The following DMD variants were observed in gnomAD, a reference collection of about 807,000 sequenced individuals.
DMD encodes dystrophin.
DMD carries 63 observed loss-of-function variants against 330.1 expected under a neutral mutation model. That is an observed-to-expected ratio of 0.19 (90% CI 0.16 to 0.24). DMD has a LOEUF of 0.24. DMD is among the 10% of genes least tolerant of loss of function. DMD has a pLI of 1.00. For missense variants in DMD, 3,344 were observed against 2,684.1 expected, an observed-to-expected ratio of 1.25 and a Z score of -5.43; for synonymous variants, 1,223 against 959.8, an observed-to-expected ratio of 1.27 and a Z score of -5.07.
At chrX:31,985,543 A>C (rs1463100788) in intron 44 of DMD, among the ~76,000 whole-genome samples, 2 of 112,542 alleles carry the variant, frequency 1.8e-5, no homozygotes, top group East Asian at 5.6e-4. Context: ...GACAACCAAC[A>C]GTAACGAGTA....
intron 9 of DMD, among the ~76,000 whole-genome samples, chrX:32,678,843 C>T (rs1218362418): frequency 9.0e-6 from 1 of 111,676 alleles, no homozygotes; most frequent in South Asian, 3.7e-4. Context: ...GGAACTTTGA[C>T]TCCCTCCTTA....
intron 1 of DMD, among the ~76,000 whole-genome samples, chrX:33,210,539 T>G: frequency 9.0e-6 from 1 of 111,523 alleles, no homozygotes; most frequent in Middle Eastern, 4.7e-3. Context: ...TGGCTCATAA[T>G]AGACATGAAA....
chrX:32,440,642 A>G (rs985384893), intron 28 of DMD, among the ~76,000 whole-genome samples: 4 of 111,848 alleles, frequency 3.6e-5, no homozygotes, highest in Non-Finnish European at 7.6e-5. Context: ...AAACTCATTT[A>G]ATTATTGAAA....
intron 7 of DMD, among the ~76,000 whole-genome samples, chrX:32,700,731 T>C (rs2064046423): frequency 9.0e-6 from 1 of 111,338 alleles, no homozygotes; most frequent in South Asian, 3.7e-4. Context: ...TAAACATAAA[T>C]CCTGGCAGGA....
intron 54 of DMD, among the ~76,000 whole-genome samples, chrX:31,647,824 T>C (rs2080192829): frequency 8.9e-6 from 1 of 112,355 alleles, no homozygotes; most frequent in African/African-American, 3.2e-5. Context: ...AATTAGGAAT[T>C]TGATAAAGCT....
chrX:32,635,181 T>C (rs978618665), intron 11 of DMD, among the ~76,000 whole-genome samples: 3 of 111,616 alleles, frequency 2.7e-5, no homozygotes, highest in Middle Eastern at 9.2e-3. Flanking sequence ...TGCAAGCACA[T>C]AGACTCTCTC....
intron 9 of DMD, among the ~76,000 whole-genome samples, chrX:32,663,139 A>C (rs1204031907): frequency 8.9e-6 from 1 of 111,811 alleles, no homozygotes; most frequent in Non-Finnish European, 1.9e-5. Flanking sequence ...GTCTACTAGA[A>C]AGCTTGTTTG....
rs953805348 is a variant in DMD, at chrX:32,644,829, T to G, written c.1149+135A>C. The stretch of plus-strand genomic sequence containing the variant: ...CCAAAAGAAAACTTCAAAATCTGAC[T>G]GTTGGAATCCCAAGCACATCATAGT... On this transcript the variant is annotated intron_variant, in intron 10 of 78. Transcript: ENST00000357033. 13 of 770,641 alleles carry G rather than the reference T, an allele frequency of 1.7e-5. No individual in the cohort carries two copies. The Admixed American group carries it at 3.3e-4, about 20-fold the overall frequency. The allele number at this position is 770,641 out of a possible 1,213,427, so 63.5% of individuals were successfully genotyped here.
chrX:32,846,897 C>T (rs1353867685), intron 3 of DMD, among the ~76,000 whole-genome samples: 1 of 109,290 alleles, frequency 9.1e-6, no homozygotes, highest in Non-Finnish European at 1.9e-5. Flanking sequence ...GTCTCAGCTA[C>T]TTGGGAGGCC....
chrX:33,089,014 C>A (rs2095048388), intron 1 of DMD, among the ~76,000 whole-genome samples: 1 of 108,334 alleles, frequency 9.2e-6, no homozygotes, highest in Non-Finnish European at 1.9e-5. Flanking sequence ...CGGGTTCAAA[C>A]GAATATTGGC....
upstream of DMD, among the ~76,000 whole-genome samples, chrX:33,215,219 G>A (rs1901252042): frequency 9.2e-6 from 1 of 108,779 alleles, no homozygotes; most frequent in Admixed American, 9.9e-5. Context: ...CAGCCACTCA[G>A]GAGGCTGAGG....
intron 45 of DMD, among the ~76,000 whole-genome samples, chrX:31,960,349 G>A (rs780161932): frequency 1.8e-5 from 2 of 110,799 alleles, no homozygotes; most frequent in Admixed American, 9.6e-5. Context: ...TCCATCAATA[G>A]GTTTGGAGTG....
At chrX:32,794,969 C>T (rs966319845) in intron 7 of DMD, among the ~76,000 whole-genome samples, 7 of 111,776 alleles carry the variant, frequency 6.3e-5, no homozygotes, top group Admixed American at 4.7e-4. Context: ...GGGAAAGGTC[C>T]GTATAAAATA....
intron 50 of DMD, among the ~76,000 whole-genome samples, chrX:31,818,123 C>T (rs1437737394): frequency 8.9e-6 from 1 of 111,998 alleles, no homozygotes; most frequent in Non-Finnish European, 1.9e-5. Flanking sequence ...GGATAGGGGC[C>T]TCAGATTCTG....
intron 44 of DMD, among the ~76,000 whole-genome samples, chrX:32,128,575 T>TAACTACATCATTCAAAAC (rs2096672730): frequency 8.9e-6 from 1 of 112,068 alleles, no homozygotes; most frequent in African/African-American, 3.2e-5. Flanking sequence ...TTTTTCAAAA[T>TAACTACATCATTCAAAAC]AACTACATCA....
At chrX:31,955,230 A>G (rs1369742752) in intron 45 of DMD, among the ~76,000 whole-genome samples, 2 of 111,806 alleles carry the variant, frequency 1.8e-5, no homozygotes, top group Non-Finnish European at 3.8e-5. Context: ...CTTAGACATA[A>G]GAGGAAGCAC....
intron 2 of DMD, among the ~76,000 whole-genome samples, chrX:32,972,271 G>A (rs375537800): frequency 5.5e-4 from 61 of 110,397 alleles, no homozygotes; most frequent in African/African-American, 1.3e-3. Flanking sequence ...TTGACCTCCC[G>A]GGCTCAAGAG....
chrX:32,281,777 GATTA>G (rs1006218229), intron 43 of DMD, among the ~76,000 whole-genome samples: 1 of 111,644 alleles, frequency 9.0e-6, no homozygotes, highest in African/African-American at 3.2e-5. Context: ...AAGAACATTT[GATTA>G]ATTAAATGCC....
chrX:32,364,838 T>A, intron 35 of DMD, 128 bp from the exon 36 acceptor site: 5 of 792,994 alleles, frequency 6.3e-6, no homozygotes, highest in Non-Finnish European at 9.0e-6. Context: ...AGTGGTATTT[T>A]CATATAGAAT....
Sources: gnomAD v4.1 joint callset for allele counts (sites outside exome capture counted in the v4.1 genomes callset) on GRCh38, gnomAD v4.1.1 for gene constraint, MANE v1.5 for transcripts, NCBI Gene and HGNC (gene_info 2026-07-23, HGNC 2026-07-21) for gene names.